The following CFAP299 variants were observed in gnomAD, a reference collection of about 807,000 sequenced individuals.
The protein encoded by CFAP299 is cilia and flagella associated protein 299.
In CFAP299, 21 loss-of-function variants were observed where a neutral mutation model predicts 27.0. The observed-to-expected ratio is 0.78, with a 90% CI of 0.55 to 1.12. The LOEUF (loss-of-function observed/expected upper bound fraction) is 1.12, where lower values mean the gene tolerates loss of function less well. CFAP299 is among the 50% of genes most tolerant of loss of function. The pLI is 0.00. For synonymous variants in CFAP299, 104 were observed against 98.1 expected (o/e 1.06, Z -0.36); for missense variants, 310 against 276.6 (o/e 1.12, Z -0.86).
At chr4:80,629,509 A>C (rs910460215) in intron 3 of CFAP299, among the ~76,000 whole-genome samples, 15 of 152,152 alleles carry the variant, frequency 9.9e-5, no homozygotes, top group African/African-American at 3.6e-4. Context: ...GGGAATACAT[A>C]TGCTAGTCAG....
intron 3 of CFAP299, among the ~76,000 whole-genome samples, chr4:80,864,529 C>CAT (rs1340129450): frequency 2.1e-5 from 3 of 145,604 alleles, no homozygotes; most frequent in East Asian, 2.0e-4. Context: ...CGTATATATA[C>CAT]ATATACGTAT....
chr4:80,393,586 A>C lies in CFAP299; in HGVS notation c.242+30702A>C, dbSNP rs149532045. Among the ~76,000 whole-genome samples the C allele has an allele frequency of 5.6e-4, 85 of 152,278 alleles. No homozygotes were observed. In the East Asian group the frequency reaches 0.013, roughly 23 times the overall value. On this transcript the variant is annotated intron_variant, in intron 2 of 5. Coordinates refer to ENST00000358105, the MANE Select transcript of CFAP299 (RefSeq NM_152770.3). ...ATGTTTAGATACACAAATACTTATT[A>C]TTGTGTTCCAATTGCCTGCAGTATT...
chr4:80,672,987 G>GT (rs1240464869), intron 3 of CFAP299, among the ~76,000 whole-genome samples: 13 of 150,810 alleles, frequency 8.6e-5, no homozygotes, highest in Admixed American at 4.6e-4. Flanking sequence ...TTTTTGAAGG[G>GT]TTTTTTTGTG....
At chr4:80,938,937 TTTG>T (rs1357007426) in intron 4 of CFAP299, among the ~76,000 whole-genome samples, 3 of 152,170 alleles carry the variant, frequency 2.0e-5, no homozygotes, top group African/African-American at 4.8e-5. Context: ...TTGTCAGGTT[TTTG>T]TTGTTGTTGT....
At chr4:80,657,589 C>T (rs891091012) in intron 3 of CFAP299, among the ~76,000 whole-genome samples, 1 of 151,930 alleles carries the variant, frequency 6.6e-6, no homozygotes, top group Non-Finnish European at 1.5e-5. Flanking sequence ...TGGTCTATAT[C>T]TCTGTTTTGG....
At chr4:80,586,442 T>A (rs1388784077) in intron 3 of CFAP299, among the ~76,000 whole-genome samples, 1 of 152,072 alleles carries the variant, frequency 6.6e-6, no homozygotes, top group Non-Finnish European at 1.5e-5. Context: ...TAGATTTTAT[T>A]AGAGATGTAA....
rs183663271 is a variant in CFAP299 at position 80,781,597 on chromosome 4, T to C, written c.334-88396T>C. On this transcript the variant is annotated intron_variant, in intron 3 of 5. Coordinates refer to ENST00000358105, the MANE Select transcript of CFAP299 (RefSeq NM_152770.3). ...GGTGGTAAATGATTAAATGTCATTG[T>C]TCATGCAATAAATATACGGGAAGGT... Among the ~76,000 whole-genome samples, 188 of 152,200 alleles carry C rather than the reference T, an allele frequency of 1.2e-3. 1 individual carries two copies. The highest frequency in any genetic ancestry group is 4.2e-3 in the African/African-American group (173 of 41,542).
intron 2 of CFAP299, among the ~76,000 whole-genome samples, chr4:80,404,432 A>G (rs1221289221): frequency 6.6e-6 from 1 of 152,164 alleles, no homozygotes; most frequent in Non-Finnish European, 1.5e-5. Context: ...TGTTGTTCAT[A>G]CAAGTCTTCA....
chr4:80,736,231 T>C (rs1160133038), intron 3 of CFAP299, among the ~76,000 whole-genome samples: 4 of 152,160 alleles, frequency 2.6e-5, no homozygotes, highest in Non-Finnish European at 5.9e-5. Context: ...CGTTTAAGTC[T>C]TTAATCCATC....
intron 3 of CFAP299, among the ~76,000 whole-genome samples, chr4:80,628,217 G>A (rs1254644450): frequency 6.6e-6 from 1 of 151,980 alleles, no homozygotes; most frequent in Non-Finnish European, 1.5e-5. Flanking sequence ...GCGGTGTCAA[G>A]AGCACACAAT....
At chr4:80,560,641 C>T (rs1429381719) in intron 2 of CFAP299, among the ~76,000 whole-genome samples, 3 of 152,038 alleles carry the variant, frequency 2.0e-5, no homozygotes, top group African/African-American at 2.4e-5. Context: ...CTAAAGAGAC[C>T]GTGACCCTTA....
intron 2 of CFAP299, among the ~76,000 whole-genome samples, chr4:80,419,679 C>A (rs1443168170): frequency 6.6e-6 from 1 of 152,132 alleles, no homozygotes; most frequent in Non-Finnish European, 1.5e-5. Context: ...GGTGCCTCTC[C>A]TGCCCTGTTC....
chr4:80,333,428 TAAC>T (rs1722013094), upstream of CFAP299, among the ~76,000 whole-genome samples: 1 of 152,210 alleles, frequency 6.6e-6, no homozygotes, highest in Non-Finnish European at 1.5e-5. Context: ...TACAATATGA[TAAC>T]ATATTAATAG....
intron 2 of CFAP299, among the ~76,000 whole-genome samples, chr4:80,484,269 A>G (rs1730705534): frequency 6.6e-6 from 1 of 152,128 alleles, no homozygotes; most frequent in African/African-American, 2.4e-5. Flanking sequence ...ACTTTTAAAA[A>G]TTATTTTATT....
At position 80,956,617 on chromosome 4, in the gene CFAP299, G is replaced by T. The variant is rs117094284; in HGVS notation, c.607-6900G>T. ...CACAAGCACTAATCACCATGCCTAA[G>T]ATTTTCTTTTTTTTTTTTTATAGTG... On this transcript the variant is annotated intron_variant, in intron 5 of 5. Coordinates refer to ENST00000358105, the MANE Select transcript of CFAP299 (RefSeq NM_152770.3). Among the ~76,000 whole-genome samples the T allele has an allele frequency of 2.3e-3, 344 of 151,346 alleles. 3 individuals carry two copies. The highest frequency in any genetic ancestry group is 3.7e-3 in the East Asian group (19 of 5,144).
intron 2 of CFAP299, among the ~76,000 whole-genome samples, chr4:80,451,613 G>A (rs1728908633): frequency 6.6e-6 from 1 of 152,172 alleles, no homozygotes; most frequent in Non-Finnish European, 1.5e-5. Context: ...ATTCACTTAA[G>A]TTTCTTAATG....
intron 4 of CFAP299, among the ~76,000 whole-genome samples, chr4:80,902,586 T>TATATACACACAC (rs370673737): frequency 2.4e-3 from 306 of 126,678 alleles, no homozygotes; most frequent in South Asian, 9.6e-3. Context: ...ATGTAATATA[T>TATATACACACAC]ACACACACAC....
chr4:80,955,672 C>A (rs1384397213), intron 5 of CFAP299, among the ~76,000 whole-genome samples: 1 of 152,082 alleles, frequency 6.6e-6, no homozygotes, highest in African/African-American at 2.4e-5. Context: ...TGCAGATGTT[C>A]AAGATACACT....
At chr4:80,890,532 T>G (rs1734214211) in intron 4 of CFAP299, among the ~76,000 whole-genome samples, 1 of 118,602 alleles carries the variant, frequency 8.4e-6, no homozygotes, top group African/African-American at 3.0e-5. Flanking sequence ...CGTGTGCATG[T>G]GTCTTTATAG....
Sources: gnomAD v4.1 joint callset for allele counts (sites outside exome capture counted in the v4.1 genomes callset) on GRCh38, gnomAD v4.1.1 for gene constraint, MANE v1.5 for transcripts, NCBI Gene and HGNC (gene_info 2026-07-23, HGNC 2026-07-21) for gene names.